ZNF85: variants seen among roughly 807,000 people sequenced by gnomAD.
ZNF85 encodes the protein zinc finger protein 85, also known as zinc finger protein 85 (HPF4, HTF1).
ZNF85 carries 50 observed loss-of-function variants against 53.9 expected under a neutral mutation model. The ratio of observed to expected loss-of-function variants is 0.93; its 90% CI spans 0.74 to 1.17. The LOEUF (loss-of-function observed/expected upper bound fraction) is 1.17, where lower values mean the gene tolerates loss of function less well. ZNF85 is among the 50% of genes most tolerant of loss of function. ZNF85 has a pLI of 0.00. For missense variants in ZNF85, 747 were observed against 688.5 expected, an observed-to-expected ratio of 1.08 and a Z score of -0.95; for synonymous variants, 225 against 226.1, an observed-to-expected ratio of 1.00 and a Z score of 0.04.
At position 20,929,997 on chromosome 19, in the gene ZNF85, C is replaced by T. The variant is rs144685730; in HGVS notation, c.4-4027C>T. On this transcript the variant is annotated intron_variant, in intron 1 of 3. Coordinates refer to ENST00000328178, the MANE Select transcript of ZNF85 (RefSeq NM_003429.5). ...TTACCCTGGTATGTTGGCATGCACC[C>T]GTAATCCCAGTTACTTGGGAGGCTG... Among the ~76,000 whole-genome samples, 253 of 151,604 alleles carry T rather than the reference C, an allele frequency of 1.7e-3. 10 individuals are homozygous for T. The East Asian group carries it at 0.047, about 28-fold the overall frequency.
At chr19:20,927,700 T>C (rs1972912411) in intron 1 of ZNF85, 1 of 152,002 alleles carries the variant, frequency 6.6e-6, no homozygotes. Flanking sequence ...CTGGCCAAGA[T>C]GGTGAAACCC....
chr19:20,948,767 G>C lies in ZNF85; in HGVS notation c.253G>C (p.Asp85His), dbSNP rs1233926205. ...PTVMCSHFAQ[D>H]LWPEQNIKDS... ...AGTTATGTGTTCTCATTTTGCCCAA[G>C]ACCTTTGGCCGGAGCAGAATATAAA... The change falls in exon 4 of 4, where the codon GAC becomes CAC. Residue 85 changes from aspartate (D) to histidine (H), a missense_variant. Coordinates refer to ENST00000328178, the MANE Select transcript of ZNF85 (RefSeq NM_003429.5). 6.4e-7 allele frequency: 1 copy of C among 1,571,980 alleles called. No individual in the cohort carries two copies. The highest frequency in any genetic ancestry group is 1.2e-5 in the South Asian group (1 of 82,216).
intron 1 of ZNF85, among the ~76,000 whole-genome samples, chr19:20,932,562 C>T (rs1279791779): frequency 6.6e-6 from 1 of 151,984 alleles, no homozygotes; most frequent in African/African-American, 2.4e-5. Context: ...AAGCTGGAGT[C>T]ATTTGTAAAG....
rs779085246 is a variant in ZNF85, at chr19:20,949,547, A to G, written c.1033A>G (p.Lys345Glu). 52 of 1,612,116 alleles carry G rather than the reference A, an allele frequency of 3.2e-5. No individual in the cohort carries two copies. The highest frequency in any genetic ancestry group is 4.2e-5 in the Non-Finnish European group (50 of 1,179,260). The stretch of plus-strand genomic sequence containing the variant: ...TACTGGAGAGAAACCCTACAAATGT[A>G]AAAAATGTGGAAAAGCCTTTAACCA... ...IHTGEKPYKCKKCGKAFNQSA... is the reference protein window; with the variant it reads ...IHTGEKPYKCEKCGKAFNQSA... The change falls in exon 4 of 4, where the codon AAA (lysine) becomes GAA (glutamate). Residue 345 changes from lysine (K) to glutamate (E), a missense_variant. Coordinates refer to ENST00000328178, the MANE Select transcript of ZNF85 (RefSeq NM_003429.5).
chr19:20,946,550 T>C (rs551272745), intron 3 of ZNF85, among the ~76,000 whole-genome samples: 15 of 150,122 alleles, frequency 1.0e-4, no homozygotes, highest in Admixed American at 2.0e-4. Flanking sequence ...ATTTGGAACC[T>C]TAATGTGAGA....
chr19:20,925,344 C>A (rs1003677860), intron 1 of ZNF85, among the ~76,000 whole-genome samples: 2 of 151,636 alleles, frequency 1.3e-5, no homozygotes, highest in African/African-American at 4.9e-5. Flanking sequence ...GTAATCCCAG[C>A]TACTAGGGAG....
At chr19:20,931,193 C>T (rs1294903554) in intron 1 of ZNF85, among the ~76,000 whole-genome samples, 3 of 152,130 alleles carry the variant, frequency 2.0e-5, no homozygotes, top group African/African-American at 7.2e-5. Context: ...AGGGAAGCAA[C>T]ATCAGCACTG....
In ZNF85 at chr19:20,942,307, T is replaced by C. The variant is rs143843745; in HGVS notation, c.230-6437T>C. 4.8e-4 allele frequency among the ~76,000 whole-genome samples: 72 copies of C among 151,574 alleles called. 1 individual carries two copies. The East Asian group carries it at 9.3e-3, about 20-fold the overall frequency. ...ACAGGCACCCACCTCCACACCTGGCTAATTTTTTGTATTCTTGGTAGAGAC... is the reference window on the plus strand; with the variant it reads ...ACAGGCACCCACCTCCACACCTGGCCAATTTTTTGTATTCTTGGTAGAGAC... On this transcript the variant is annotated intron_variant, in intron 3 of 3. Transcript: ENST00000328178.
chr19:20,934,797 AAAG>A lies in ZNF85; in HGVS notation c.131-149_131-147del. The A allele has an allele frequency of 1.1e-5, 5 of 453,482 alleles. No homozygotes were observed. In the South Asian group the frequency reaches 1.8e-4, roughly 16 times the overall value. The allele number at this position is 453,482 out of a possible 1,614,324, so 28.1% of individuals were successfully genotyped here. ...GACTCCATCTCAAAAAAAAAAAAAA[AAAG>A]AACCTACAAATCAAAAATATTTTTT... On this transcript the variant is annotated intron_variant, in intron 2 of 3. Transcript: ENST00000328178.
chr19:20,932,953 C>A (rs1007964130), intron 1 of ZNF85, among the ~76,000 whole-genome samples: 12 of 151,412 alleles, frequency 7.9e-5, no homozygotes, highest in Non-Finnish European at 1.6e-4. Flanking sequence ...CTTTGGGAGG[C>A]TAAGGCAGGC....
At chr19:20,942,070 A>G (rs1171104736) in intron 3 of ZNF85, among the ~76,000 whole-genome samples, 1 of 152,122 alleles carries the variant, frequency 6.6e-6, no homozygotes, top group African/African-American at 2.4e-5. Context: ...ATTTGATCAT[A>G]TACAGATTTC....
intron 3 of ZNF85, chr19:20,945,513 T>C (rs894289346): frequency 2.0e-5 from 3 of 152,224 alleles, no homozygotes; most frequent in African/African-American, 7.2e-5. Context: ...AGTTTCACGC[T>C]GTCGCCCAGG....
At chr19:20,927,005 T>C (rs1296297173) in intron 1 of ZNF85, 1 of 151,600 alleles carries the variant, frequency 6.6e-6, no homozygotes, top group African/African-American at 2.4e-5. Context: ...GCAAATGGAG[T>C]GTGAAAAAAA....
At chr19:20,930,169 CCTT>C (rs919247467) in intron 1 of ZNF85, among the ~76,000 whole-genome samples, 1 of 145,920 alleles carries the variant, frequency 6.9e-6, no homozygotes, top group African/African-American at 2.5e-5. Flanking sequence ...TCTGGTGAAT[CCTT>C]CTGCCTTTCT....
At chr19:20,948,415 C>T (rs543769696) in intron 3 of ZNF85, among the ~76,000 whole-genome samples, 1 of 152,010 alleles carries the variant, frequency 6.6e-6, no homozygotes, top group South Asian at 2.1e-4. Flanking sequence ...CCAAGAGTTG[C>T]CAATTTACTT....
At chr19:20,942,434 G>C (rs1973319448) in intron 3 of ZNF85, among the ~76,000 whole-genome samples, 1 of 152,022 alleles carries the variant, frequency 6.6e-6, no homozygotes, top group Non-Finnish European at 1.5e-5. Flanking sequence ...GAGCCACCTT[G>C]CTGGCCTATT....
chr19:20,939,634 A>T (rs1973246078), intron 3 of ZNF85, among the ~76,000 whole-genome samples: 3 of 152,174 alleles, frequency 2.0e-5, no homozygotes, highest in Non-Finnish European at 4.4e-5. Flanking sequence ...GCAATTCTGT[A>T]TGTACACGTT....
chr19:20,938,880 A>ATG (rs1973226539), intron 3 of ZNF85, among the ~76,000 whole-genome samples: 2 of 132,890 alleles, frequency 1.5e-5, no homozygotes, highest in African/African-American at 3.0e-5. Context: ...GTGTGTGTAT[A>ATG]TATATGTGTG....
chr19:20,945,637 A>C (rs976927548), intron 3 of ZNF85: 2 of 152,194 alleles, frequency 1.3e-5, no homozygotes, highest in African/African-American at 4.8e-5. Context: ...GGCATGCGCC[A>C]CCATGCCCGG....
Sources: gnomAD v4.1 joint callset for allele counts (sites outside exome capture counted in the v4.1 genomes callset) on GRCh38, gnomAD v4.1.1 for gene constraint, MANE v1.5 for transcripts, NCBI Gene and HGNC (gene_info 2026-07-23, HGNC 2026-07-21) for gene names.